The following CDH23 variants were observed in gnomAD, a reference collection of about 807,000 sequenced individuals.
The protein encoded by CDH23 is cadherin related 23.
CDH23 carries 189 observed loss-of-function variants against 317.1 expected under a neutral mutation model. The ratio of observed to expected loss-of-function variants is 0.60; its 90% CI spans 0.53 to 0.67. The LOEUF (loss-of-function observed/expected upper bound fraction) is 0.67. Among genes scored for constraint, CDH23 ranks in the 30% least tolerant of loss-of-function variants. The probability of loss-of-function intolerance (pLI) is 0.00; values close to 1 mark genes in which losing one functional copy is unlikely to be tolerated. For synonymous variants in CDH23, 1,839 were observed against 1,876.8 expected (o/e 0.98, Z 0.52); for missense variants, 4,401 against 4,592.4 (o/e 0.96, Z 1.20).
chr10:71,623,215 CA>C (rs1861551815), intron 11 of CDH23, among the ~76,000 whole-genome samples: 1 of 152,140 alleles, frequency 6.6e-6, no homozygotes, highest in African/African-American at 2.4e-5. Flanking sequence ...ACTGTGGTCC[CA>C]GAAAGCCTTC....
At chr10:71,796,951 A>G in intron 48 of CDH23, 153 bp from the exon 49 acceptor site, 1 of 593,424 alleles carries the variant, frequency 1.7e-6, no homozygotes, top group East Asian at 2.9e-5. Context: ...GCTTATGAGG[A>G]GGCTGTGGGC....
rs370094327 is a variant in CDH23 at position 71,732,165 on chromosome 10, C to A, written c.3894C>A (p.Ser1298Arg). The change falls in exon 32 of 70, where the codon AGC becomes AGA. Residue 1298 changes from serine (S) to arginine (R), a missense_variant. By Grantham distance (110) the Ser-to-Arg change is moderately radical (BLOSUM62 -1). Coordinates refer to ENST00000224721, the MANE Select transcript of CDH23 (RefSeq NM_022124.6). ...QAPPFNQGFCSVYITLLNELD... is the reference protein window; with the variant it reads ...QAPPFNQGFCRVYITLLNELD... ...CGCCCTTCAACCAGGGCTTCTGCAG[C>A]GTCTACATCACTCTGCTCAACGAGC... 1 of 1,614,000 alleles carries A rather than the reference C, an allele frequency of 6.2e-7. No homozygotes were observed. Among genetic ancestry groups the A allele is most frequent in the Admixed American group, 1.7e-5 (1 of 60,024 alleles).
At position 71,791,463 on chromosome 10, in the gene CDH23, A is replaced by G. The variant is rs1052370810; in HGVS notation, c.6253+128A>G. The G allele has an allele frequency of 2.5e-5, 19 of 749,012 alleles. No individual in the cohort carries two copies. The East Asian group carries it at 4.3e-4, about 17-fold the overall frequency. 46.4% of individuals were successfully genotyped at this position (749,012 alleles called of 1,614,324 possible). On this transcript the variant is annotated intron_variant, in intron 47 of 69. Coordinates refer to ENST00000224721, the MANE Select transcript of CDH23 (RefSeq NM_022124.6). ...GAAAGATGGGCAGCAGGGTGAGTGT[A>G]GAACACACTGGAGAGGGAGTCAGGA...
chr10:71,425,321 GA>G, intron 1 of CDH23, among the ~76,000 whole-genome samples: 1 of 137,592 alleles, frequency 7.3e-6, no homozygotes, highest in East Asian at 2.2e-4. Context: ...GGAAGGAAAG[GA>G]AAGAAAGAAC....
intron 2 of CDH23, among the ~76,000 whole-genome samples, chr10:71,445,371 C>A (rs573492326): frequency 4.6e-5 from 7 of 152,326 alleles, no homozygotes; most frequent in African/African-American, 1.7e-4. Context: ...TCCCTTCACA[C>A]ACCAAATCGT....
intron 38 of CDH23, among the ~76,000 whole-genome samples, chr10:71,764,947 A>T (rs139982457): frequency 8.5e-5 from 13 of 152,326 alleles, no homozygotes; most frequent in African/African-American, 3.1e-4. Flanking sequence ...GTGGAAAAGG[A>T]GCCCCAGGAA....
chr10:71,671,953 C>T (rs1488752958), intron 14 of CDH23, among the ~76,000 whole-genome samples: 1 of 152,106 alleles, frequency 6.6e-6, no homozygotes, highest in African/African-American at 2.4e-5. Flanking sequence ...ATAGACGTAC[C>T]TTTCTTGAGC....
At chr10:71,447,384 G>T (rs1230327839) in intron 3 of CDH23, among the ~76,000 whole-genome samples, 2 of 152,184 alleles carry the variant, frequency 1.3e-5, no homozygotes, top group East Asian at 3.9e-4. Flanking sequence ...CCAGTGGGGT[G>T]CCTTACGCGG....
intron 14 of CDH23, among the ~76,000 whole-genome samples, chr10:71,657,517 T>C (rs1863468178): frequency 6.6e-6 from 1 of 152,132 alleles, no homozygotes; most frequent in African/African-American, 2.4e-5. Flanking sequence ...CTTGCCAACG[T>C]GAATTATTAG....
intron 3 of CDH23, among the ~76,000 whole-genome samples, chr10:71,470,131 A>G (rs1020778298): frequency 6.6e-6 from 1 of 152,190 alleles, no homozygotes; most frequent in Non-Finnish European, 1.5e-5. Context: ...AGCTGCACCC[A>G]GCATAAGTTT....
chr10:71,803,241 G>C lies in CDH23; in HGVS notation c.7693G>C (p.Val2565Leu). The C allele has an allele frequency of 6.2e-7, 1 of 1,602,114 alleles. No homozygotes were observed. The highest frequency in any genetic ancestry group is 8.5e-7 in the Non-Finnish European group (1 of 1,173,824). ...AFHVDMDSGL[V>L]TTQRPLQSYE... ...CCATGTGGACATGGACTCGGGCTTG[G>C]TGACCACACAGCGGCCACTGCAGTC... The change falls in exon 55 of 70, where the codon GTG becomes CTG. Residue 2565 changes from valine to leucine, a missense_variant. Physicochemically the swap from Val to Leu is conservative, Grantham distance 32. Around this residue, in one of 3 missense-constraint regions of CDH23, gnomAD observed 1,144 missense variants for 1,138.2 expected, o/e 1.01. Transcript: ENST00000224721.
At chr10:71,719,455 G>A (rs973092742) in intron 28 of CDH23, among the ~76,000 whole-genome samples, 1 of 152,216 alleles carries the variant, frequency 6.6e-6, no homozygotes, top group Non-Finnish European at 1.5e-5. Context: ...GAAGACTGCT[G>A]TGTGGCCTCG....
At chr10:71,792,836 AAAAAAAAAAAAAAAAAATATATAT>A (rs1324487106) in intron 47 of CDH23, among the ~76,000 whole-genome samples, 2 of 93,152 alleles carry the variant, frequency 2.1e-5, no homozygotes, top group African/African-American at 4.9e-5. Context: ...AAAAAAAAAA[AAAAAAAAAAAAAAAAAATATATAT>A]ATATATATAT....
chr10:71,555,620 G>T (rs1856836375), intron 6 of CDH23, among the ~76,000 whole-genome samples: 1 of 152,216 alleles, frequency 6.6e-6, no homozygotes, highest in Non-Finnish European at 1.5e-5. Context: ...CTGGAATATT[G>T]TCAGTGATGG....
intron 11 of CDH23, among the ~76,000 whole-genome samples, chr10:71,643,564 C>CG (rs947967197): frequency 1.8e-4 from 28 of 151,696 alleles, no homozygotes; most frequent in African/African-American, 6.1e-4. Context: ...CCCTTGCCCC[C>CG]CCCTCACCTC....
chr10:71,517,611 A>G (rs1854408882), intron 6 of CDH23, among the ~76,000 whole-genome samples: 1 of 152,196 alleles, frequency 6.6e-6, no homozygotes, highest in Non-Finnish European at 1.5e-5. Flanking sequence ...ATGGCCCCTG[A>G]GTTGACAGCT....
chr10:71,759,854 C>CACACACATATAT lies in CDH23; in HGVS notation c.4846-17819_4846-17818insTATATACACACA, dbSNP rs1554868480. On this transcript the variant is annotated intron_variant, in intron 38 of 69. Coordinates refer to ENST00000224721, the MANE Select transcript of CDH23 (RefSeq NM_022124.6). ...ACACACACACACACACACATATACA[C>CACACACATATAT]ACACACACACATATATATACACACA... 3.7e-5 allele frequency among the ~76,000 whole-genome samples: 4 copies of CACACACATATAT among 109,202 alleles called. 1 individual carries two copies. Among genetic ancestry groups the CACACACATATAT allele is most frequent in the Non-Finnish European group, 6.2e-5 (3 of 48,386 alleles). 71.6% of individuals were successfully genotyped at this position (109,202 alleles called of 152,430 possible). A position where few individuals can be genotyped will look rare whatever the true frequency, so the allele number is the denominator to read the frequency against.
intron 43 of CDH23, 59 bp from the exon 44 acceptor site, chr10:71,785,572 G>A: frequency 8.6e-7 from 1 of 1,164,768 alleles, no homozygotes; most frequent in Non-Finnish European, 1.3e-6. Flanking sequence ...GGCATCTGTG[G>A]GCCAAAGTAG....
intron 3 of CDH23, among the ~76,000 whole-genome samples, chr10:71,473,750 T>A (rs1400576165): frequency 6.6e-6 from 1 of 152,198 alleles, no homozygotes; most frequent in Non-Finnish European, 1.5e-5. Flanking sequence ...TAGCTGCAGC[T>A]CTAGACGTGG....
Sources: gnomAD v4.1 joint callset for allele counts (sites outside exome capture counted in the v4.1 genomes callset) on GRCh38, gnomAD v4.1.1 for gene constraint, gnomAD v4.1.1 regional missense constraint, MANE v1.5 for transcripts, NCBI Gene and HGNC (gene_info 2026-07-23, HGNC 2026-07-21) for gene names.